Variants in PIK3C2G observed in about 807,000 individuals in gnomAD.
PIK3C2G encodes phosphatidylinositol-4-phosphate 3-kinase catalytic subunit type 2 gamma.
PIK3C2G carries 168 observed loss-of-function variants against 181.1 expected under a neutral mutation model. The ratio of observed to expected loss-of-function variants is 0.93; its 90% confidence interval spans 0.82 to 1.05. The LOEUF (loss-of-function observed/expected upper bound fraction) is 1.05. Among genes scored for constraint, PIK3C2G ranks in the 50% least tolerant of loss-of-function variants. PIK3C2G has a pLI of 0.00. For missense variants in PIK3C2G, 1,869 were observed against 1,732.8 expected (o/e 1.08, Z -1.40); for synonymous variants, 573 against 592.2 (o/e 0.97, Z 0.47).
chr12:18,719,205 G>A, the PIK3C2G span, among the ~76,000 whole-genome samples: 1 of 152,118 alleles, frequency 6.6e-6, no homozygotes, highest in Non-Finnish European at 1.5e-5. Flanking sequence ...TAACAGGTGG[G>A]ATTAGAAGGA....
rs1949674611 is a variant in PIK3C2G at position 18,291,094 on chromosome 12, A to T, written c.919+82A>T. On this transcript the variant is annotated intron_variant, in intron 4 of 32. Coordinates refer to ENST00000538779, the MANE Select transcript of PIK3C2G (RefSeq NM_001288772.2). Reference sequence around the variant, plus strand: ...AGCCTTGAATTCAAAGTCTGAAGTTATTAAAAAATAATATTAGCTACTGTT... The same window carrying T: ...AGCCTTGAATTCAAAGTCTGAAGTTTTTAAAAAATAATATTAGCTACTGTT... The T allele has an allele frequency of 3.9e-6, 3 of 765,194 alleles. No homozygotes were observed. In the East Asian group the frequency reaches 8.0e-5, roughly 20 times the overall value. The allele number at this position is 765,194 out of a possible 1,614,324, so 47.4% of individuals were successfully genotyped here. A position where few individuals can be genotyped will look rare whatever the true frequency, so the allele number is the denominator to read the frequency against.
In PIK3C2G at chr12:18,282,467, C is replaced by T. The variant is rs762537354; in HGVS notation, c.386C>T (p.Pro129Leu). 2 of 600,710 alleles carry T rather than the reference C, an allele frequency of 3.3e-6. No homozygotes were observed. The highest frequency in any genetic ancestry group is 2.2e-5 in the African/African-American group (1 of 45,900). 37.2% of individuals were successfully genotyped at this position (600,710 alleles called of 1,614,324 possible). A position where few individuals can be genotyped will look rare whatever the true frequency, so the allele number is the denominator to read the frequency against. Residue 129 changes from proline (P) to leucine (L), a missense_variant, in exon 2 of 33, where the codon CCC (proline) becomes CTC (leucine). Coordinates refer to ENST00000538779, the MANE Select transcript of PIK3C2G (RefSeq NM_001288772.2). ...NTNKECSWGS[P>L]IGKHHGADDS... ...AATAAAGAATGCTCCTGGGGAAGCC[C>T]CATAGGAAAACATCATGGTGCTGAT...
intron 29 of PIK3C2G, among the ~76,000 whole-genome samples, chr12:18,583,943 A>G (rs1408283232): frequency 6.6e-6 from 1 of 152,200 alleles, no homozygotes; most frequent in East Asian, 1.9e-4. Flanking sequence ...GGAGAACAGC[A>G]AAACCCAACC....
intron 28 of PIK3C2G, among the ~76,000 whole-genome samples, chr12:18,564,025 TACTA>T (rs1028680509): frequency 6.6e-5 from 10 of 150,636 alleles, no homozygotes; most frequent in African/African-American, 2.5e-4. Context: ...ATTCATATGT[TACTA>T]ACTCATTTTG....
At chr12:18,657,007 A>G in the PIK3C2G span, among the ~76,000 whole-genome samples, 1 of 152,142 alleles carries the variant, frequency 6.6e-6, no homozygotes, top group Admixed American at 6.6e-5. Flanking sequence ...GACAGAGAGT[A>G]AAATAGATCT....
At chr12:18,631,916 C>A (rs1209342836) in intron 31 of PIK3C2G, among the ~76,000 whole-genome samples, 1 of 152,144 alleles carries the variant, frequency 6.6e-6, no homozygotes, top group South Asian at 2.1e-4. Context: ...AGGCTGGGAT[C>A]CTAGGGATCA....
chr12:18,651,306 T>TGG (rs1565603620), downstream of PIK3C2G, among the ~76,000 whole-genome samples: 10 of 151,598 alleles, frequency 6.6e-5, no homozygotes, highest in Middle Eastern at 3.4e-3. Flanking sequence ...GTCTCTGCCC[T>TGG]GCCTACCTTG....
chr12:18,579,930 C>T (rs1272996386), intron 29 of PIK3C2G, among the ~76,000 whole-genome samples: 1 of 151,966 alleles, frequency 6.6e-6, no homozygotes, highest in Non-Finnish European at 1.5e-5. Flanking sequence ...GTCAAGAGAT[C>T]AAGACCATCC....
intron 24 of PIK3C2G, among the ~76,000 whole-genome samples, chr12:18,511,873 A>T (rs918764572): frequency 6.6e-6 from 1 of 151,878 alleles, no homozygotes; most frequent in African/African-American, 2.4e-5. Flanking sequence ...TTGGGGTCTT[A>T]TCCAAAAAAA....
At position 18,290,961 on chromosome 12, in the gene PIK3C2G, A is replaced by T; in HGVS notation, c.868A>T (p.Ile290Leu). 6.3e-7 allele frequency: 1 copy of T among 1,594,928 alleles called. No homozygotes were observed. The highest frequency in any genetic ancestry group is 1.3e-5 in the African/African-American group (1 of 74,718). The change falls in exon 4 of 33, where the codon ATA becomes TTA. Residue 290 changes from isoleucine (I) to leucine (L), a missense_variant. Transcript: ENST00000538779. ...GCTCTTTTCTAAGACCAAGTTTAAT[A>T]TACATATTTTTATTGATAACTCAAC... is the stretch of plus-strand genomic sequence containing the variant. ...YQLFSKTKFN[I>L]HIFIDNSTQP... is the part of the protein sequence containing the mutation.
intron 32 of PIK3C2G, among the ~76,000 whole-genome samples, chr12:18,645,910 G>T (rs1322511434): frequency 6.6e-6 from 1 of 152,124 alleles, no homozygotes; most frequent in South Asian, 2.1e-4. Context: ...ACACTTTGAG[G>T]GTTCCTTTCT....
At chr12:18,372,169 G>T (rs767106796) in intron 13 of PIK3C2G, among the ~76,000 whole-genome samples, 1 of 151,598 alleles carries the variant, frequency 6.6e-6, no homozygotes, top group Admixed American at 6.6e-5. Context: ...TTCTTTGTTG[G>T]ATTAATTCTG....
At chr12:18,530,629 G>T (rs1433055351) in intron 24 of PIK3C2G, among the ~76,000 whole-genome samples, 1 of 152,126 alleles carries the variant, frequency 6.6e-6, no homozygotes, top group South Asian at 2.1e-4. Flanking sequence ...CAAATCTCAC[G>T]TTGAATTGTA....
intron 8 of PIK3C2G, among the ~76,000 whole-genome samples, chr12:18,325,398 G>A (rs1009964388): frequency 9.9e-5 from 15 of 152,092 alleles, no homozygotes; most frequent in African/African-American, 2.9e-4. Context: ...AGCCAGAGAC[G>A]GGCATTGTGA....
intron 18 of PIK3C2G, among the ~76,000 whole-genome samples, chr12:18,430,614 T>C (rs772182465): frequency 1.9e-4 from 29 of 152,100 alleles, no homozygotes; most frequent in African/African-American, 6.5e-4. Context: ...CTTATGTCGA[T>C]AGGGGGTGGA....
At chr12:18,486,725 A>G (rs1048202045) in intron 18 of PIK3C2G, among the ~76,000 whole-genome samples, 3 of 152,082 alleles carry the variant, frequency 2.0e-5, no homozygotes, top group Non-Finnish European at 4.4e-5. Flanking sequence ...TTGATATTCA[A>G]CATAGAAATA....
At chr12:18,422,820 A>ATTC (rs918231739) in intron 17 of PIK3C2G, among the ~76,000 whole-genome samples, 4 of 152,102 alleles carry the variant, frequency 2.6e-5, no homozygotes, top group African/African-American at 9.7e-5. Flanking sequence ...TATGCTCACT[A>ATTC]TTAGGGCATA....
chr12:18,288,063 G>A (rs1437732911), intron 3 of PIK3C2G, among the ~76,000 whole-genome samples: 1 of 152,136 alleles, frequency 6.6e-6, no homozygotes, highest in African/African-American at 2.4e-5. Context: ...TCGGGAGGCT[G>A]AGGCAGGAGA....
intron 18 of PIK3C2G, among the ~76,000 whole-genome samples, chr12:18,475,258 T>C (rs1938861843): frequency 6.6e-6 from 1 of 151,792 alleles, no homozygotes; most frequent in South Asian, 2.1e-4. Flanking sequence ...GCACCAACAT[T>C]GTTAGTAGCA....
Sources: gnomAD v4.1 joint callset for allele counts (sites outside exome capture counted in the v4.1 genomes callset) on GRCh38, gnomAD v4.1.1 for gene constraint, MANE v1.5 for transcripts, NCBI Gene and HGNC (gene_info 2026-07-23, HGNC 2026-07-21) for gene names.